Variants in PHACTR1 observed in about 807,000 individuals in gnomAD.
PHACTR1 encodes the protein RPEL repeat containing 1.
In PHACTR1, 16 loss-of-function variants were observed where a neutral mutation model predicts 69.2. The observed-to-expected ratio is 0.23, with a 90% CI of 0.16 to 0.35. The LOEUF is 0.35. Among genes scored for constraint, PHACTR1 ranks in the 10% least tolerant of loss-of-function variants. The pLI, the probability that PHACTR1 is intolerant of heterozygous loss-of-function variation, is 1.00. For synonymous variants in PHACTR1, 312 were observed against 284.5 expected (o/e 1.10, Z -0.97); for missense variants, 510 against 734.7 (o/e 0.69, Z 3.54).
intron 4 of PHACTR1, among the ~76,000 whole-genome samples, chr6:13,025,221 C>A (rs1801512369): frequency 6.6e-6 from 1 of 152,048 alleles, no homozygotes; most frequent in Non-Finnish European, 1.5e-5. Context: ...TGCCACTACA[C>A]TCTAGCCTGG....
chr6:12,766,027 T>C (rs1310612792), intron 4 of PHACTR1, among the ~76,000 whole-genome samples: 2 of 152,226 alleles, frequency 1.3e-5, no homozygotes, highest in Non-Finnish European at 2.9e-5. Context: ...GTGTTTCTCC[T>C]CATTGACTCG....
chr6:12,997,739 G>C (rs1475845307), intron 4 of PHACTR1, among the ~76,000 whole-genome samples: 3 of 152,106 alleles, frequency 2.0e-5, no homozygotes, highest in Non-Finnish European at 4.4e-5. Context: ...CGGATCACAA[G>C]GTCACGAGAT....
chr6:12,732,229 C>A (rs1763629185), intron 3 of PHACTR1, among the ~76,000 whole-genome samples: 1 of 152,046 alleles, frequency 6.6e-6, no homozygotes. Flanking sequence ...ACTCAACTAG[C>A]CCCATCATCT....
rs112734783 is a variant in PHACTR1 at position 13,193,359 on chromosome 6, A to G, written c.664+10673A>G. Among the ~76,000 whole-genome samples the G allele has an allele frequency of 4.4e-3, 395 of 89,250 alleles. 8 individuals carry two copies. The highest frequency in any genetic ancestry group is 0.016 in the African/African-American group (347 of 21,382). 58.6% of individuals were successfully genotyped at this position (89,250 alleles called of 152,430 possible). ...TCTACCTCTTAATAGCTCTCTGTGT[A>G]TATATATATATATATATATATATAT... On this transcript the variant is annotated intron_variant, in intron 7 of 14. Coordinates refer to ENST00000332995, the MANE Select transcript of PHACTR1 (RefSeq NM_030948.6).
At chr6:13,197,680 A>G (rs1474156954) in intron 7 of PHACTR1, among the ~76,000 whole-genome samples, 1 of 152,132 alleles carries the variant, frequency 6.6e-6, no homozygotes, top group Non-Finnish European at 1.5e-5. Context: ...ATGTCTCCTA[A>G]TGCTATCCCT....
At chr6:12,798,069 C>CACACACACACACACACA (rs1561892342) in intron 4 of PHACTR1, among the ~76,000 whole-genome samples, 4 of 149,478 alleles carry the variant, frequency 2.7e-5, no homozygotes, top group African/African-American at 4.9e-5. Flanking sequence ...CACACACACA[C>CACACACACACACACACA]CCCTACATAA....
intron 4 of PHACTR1, among the ~76,000 whole-genome samples, chr6:12,790,405 G>A (rs948298662): frequency 6.6e-6 from 1 of 152,110 alleles, no homozygotes; most frequent in African/African-American, 2.4e-5. Context: ...CTCTTTTCCA[G>A]GTATCATGTA....
chr6:13,109,833 C>T (rs925146350), intron 5 of PHACTR1, among the ~76,000 whole-genome samples: 4 of 146,188 alleles, frequency 2.7e-5, no homozygotes, highest in East Asian at 2.1e-4. Context: ...ATTTTTTCAG[C>T]GTGTGTGTGT....
intron 4 of PHACTR1, among the ~76,000 whole-genome samples, chr6:13,010,645 T>C (rs536444337): frequency 8.5e-5 from 13 of 152,284 alleles, no homozygotes; most frequent in African/African-American, 3.1e-4. Context: ...TGGGATCTGC[T>C]GGTCCTTGGG....
At chr6:13,219,926 G>A (rs1445903557) in intron 8 of PHACTR1, among the ~76,000 whole-genome samples, 1 of 152,164 alleles carries the variant, frequency 6.6e-6, no homozygotes, top group Non-Finnish European at 1.5e-5. Flanking sequence ...CACAGGCCCT[G>A]GGTGGGAAGA....
At chr6:13,144,669 G>A (rs1348084715) in intron 5 of PHACTR1, among the ~76,000 whole-genome samples, 1 of 151,442 alleles carries the variant, frequency 6.6e-6, no homozygotes, top group Non-Finnish European at 1.5e-5. Flanking sequence ...GGGAGGCTGA[G>A]GTGGGAAGAT....
intron 4 of PHACTR1, among the ~76,000 whole-genome samples, chr6:12,962,129 T>A (rs147017378): frequency 4.7e-4 from 72 of 151,966 alleles, no homozygotes; most frequent in Middle Eastern, 6.8e-3. Context: ...AGTGACAGAG[T>A]CTCGCTACGT....
chr6:13,279,274 C>T (rs139246148), intron 12 of PHACTR1: 4 of 152,214 alleles, frequency 2.6e-5, no homozygotes, highest in Non-Finnish European at 5.9e-5. Flanking sequence ...TAATAATAAA[C>T]GCATTGTTAA....
intron 4 of PHACTR1, among the ~76,000 whole-genome samples, chr6:12,947,751 G>A (rs1055635322): frequency 2.6e-5 from 4 of 152,090 alleles, no homozygotes; most frequent in African/African-American, 9.7e-5. Flanking sequence ...GGCTCAGAAA[G>A]GTCTAAACAA....
At chr6:12,898,291 C>G (rs1354841689) in intron 4 of PHACTR1, among the ~76,000 whole-genome samples, 1 of 152,172 alleles carries the variant, frequency 6.6e-6, no homozygotes, top group Non-Finnish European at 1.5e-5. Context: ...GATCCGTCCA[C>G]TCCTTCGTCT....
At chr6:13,010,963 T>C (rs1799388460) in intron 4 of PHACTR1, among the ~76,000 whole-genome samples, 1 of 152,166 alleles carries the variant, frequency 6.6e-6, no homozygotes, top group African/African-American at 2.4e-5. Flanking sequence ...GGCAAGGAGG[T>C]AGTGCTGGAA....
At chr6:13,255,616 A>G (rs1410063723) in intron 10 of PHACTR1, among the ~76,000 whole-genome samples, 2 of 152,212 alleles carry the variant, frequency 1.3e-5, no homozygotes, top group African/African-American at 4.8e-5. Flanking sequence ...CTTCCATTCA[A>G]AAAGGGAGAT....
chr6:13,100,496 C>T (rs1382399589), intron 5 of PHACTR1, among the ~76,000 whole-genome samples: 1 of 152,184 alleles, frequency 6.6e-6, no homozygotes, highest in Non-Finnish European at 1.5e-5. Context: ...ACCTCCAAAA[C>T]TCTCTGTCTC....
At chr6:13,053,880 T>C (rs1806376325) in intron 5 of PHACTR1, among the ~76,000 whole-genome samples, 2 of 152,178 alleles carry the variant, frequency 1.3e-5, no homozygotes, top group Admixed American at 1.3e-4. Flanking sequence ...ACTATTCCAG[T>C]AAAAGTGAAC....
Sources: allele counts gnomAD v4.1 joint callset (sites outside exome capture counted in the v4.1 genomes callset), GRCh38; gene constraint gnomAD v4.1.1; transcripts MANE v1.5; gene names NCBI Gene and HGNC (gene_info 2026-07-23, HGNC 2026-07-21).